Variants in PTPRZ1 observed in about 807,000 individuals in gnomAD.
PTPRZ1 encodes receptor-type tyrosine-protein phosphatase zeta.
In PTPRZ1, 82 loss-of-function variants were observed where a neutral mutation model predicts 214.1. The ratio of observed to expected loss-of-function variants is 0.38; its 90% CI spans 0.32 to 0.46. PTPRZ1 has a LOEUF of 0.46. PTPRZ1 is among the 20% of genes least tolerant of loss of function. The probability of loss-of-function intolerance (pLI) is 1.00; values close to 1 mark genes in which losing one functional copy is unlikely to be tolerated. For synonymous variants in PTPRZ1, 945 were observed against 987.9 expected, an observed-to-expected ratio of 0.96 and a Z score of 0.81; for missense variants, 2,603 against 2,748.7, an observed-to-expected ratio of 0.95 and a Z score of 1.19.
Position 121,967,971 on chromosome 7 carries a change from TG to T in PTPRZ1, c.149del (p.Gly50GlufsTer24). Reference protein sequence around the residue: ...SYTGALNQKNWGKKYPTCNSP... With the variant: ...SYTGALNQKNXGKKYPTCNSP... ...CCTAGGAGCACTGAATCAAAAAAAT[TG>T]GGGAAAGAAATATCCAACATGTAAT... is the stretch of plus-strand genomic sequence containing the variant. On this transcript the variant is annotated frameshift_variant, in exon 3 of 30. Transcript: ENST00000393386. LOFTEE classifies it high-confidence loss of function. 1 of 1,581,482 alleles carries T rather than the reference TG, an allele frequency of 6.3e-7. No homozygotes were observed. The highest frequency in any genetic ancestry group is 1.7e-5 in the Admixed American group (1 of 57,270).
At chr7:121,951,482 A>G (rs917090728) in intron 2 of PTPRZ1, among the ~76,000 whole-genome samples, 2 of 152,204 alleles carry the variant, frequency 1.3e-5, no homozygotes, top group Admixed American at 1.3e-4. Context: ...AAATGTGAAA[A>G]CATAGGCATT....
At chr7:121,907,653 G>A (rs1186950545) in intron 1 of PTPRZ1, among the ~76,000 whole-genome samples, 4 of 151,758 alleles carry the variant, frequency 2.6e-5, no homozygotes, top group Non-Finnish European at 4.4e-5. Context: ...CTTTGGAAAG[G>A]CCTAAACTCA....
chr7:121,930,359 A>C (rs1464798725), intron 2 of PTPRZ1, among the ~76,000 whole-genome samples: 1 of 152,206 alleles, frequency 6.6e-6, no homozygotes, highest in Non-Finnish European at 1.5e-5. Flanking sequence ...ATTTTGAATT[A>C]AATGGAATTT....
In PTPRZ1 at chr7:121,882,119, A is replaced by G. The variant is rs553337270; in HGVS notation, c.58+8562A>G. 1.4e-4 allele frequency among the ~76,000 whole-genome samples: 22 copies of G among 152,350 alleles called. No individual in the cohort carries two copies. In the South Asian group the frequency reaches 4.6e-3, roughly 32 times the overall value. On this transcript the variant is annotated intron_variant, in intron 1 of 29. Coordinates refer to ENST00000393386, the MANE Select transcript of PTPRZ1 (RefSeq NM_002851.3). ...CAATGAACTTTTCTAGGTGTTTCAA[A>G]TAACTCCTTTAATATACTTATTAGT...
At chr7:121,902,863 G>A (rs1795007686) in intron 1 of PTPRZ1, among the ~76,000 whole-genome samples, 1 of 151,968 alleles carries the variant, frequency 6.6e-6, no homozygotes, top group Non-Finnish European at 1.5e-5. Context: ...TGCCTACAAT[G>A]AAGCAAAACC....
intron 1 of PTPRZ1, among the ~76,000 whole-genome samples, chr7:121,920,882 A>G (rs1795577629): frequency 6.6e-6 from 1 of 152,164 alleles, no homozygotes. Flanking sequence ...AATTGAGAAT[A>G]TGTCAGTGAT....
intron 23 of PTPRZ1, among the ~76,000 whole-genome samples, chr7:122,049,367 G>A (rs1012035426): frequency 1.3e-5 from 2 of 151,946 alleles, no homozygotes; most frequent in African/African-American, 4.8e-5. Flanking sequence ...AGGTAGAAAA[G>A]GATTTGCAGA....
At chr7:122,014,042 G>A (rs985087091) in intron 12 of PTPRZ1, among the ~76,000 whole-genome samples, 153 bp downstream of exon 12, 1 of 152,096 alleles carries the variant, frequency 6.6e-6, no homozygotes, top group African/African-American at 2.4e-5. Flanking sequence ...AGTTTCTGAA[G>A]TATAATTTTA....
Position 122,012,225 on chromosome 7 carries a change from A to T in PTPRZ1, c.3179A>T (p.Asn1060Ile), listed in dbSNP as rs529791225. ...ACTGAACTGCAAATTCCTTCTTTCA[A>T]TGAGATGGTTTACCCTTCTGAAAGC... ...NETELQIPSFNEMVYPSESTV... is the reference protein window; with the variant it reads ...NETELQIPSFIEMVYPSESTV... Residue 1060 changes from asparagine to isoleucine, a missense_variant, in exon 12 of 30, where the codon AAT (asparagine) becomes ATT (isoleucine). Around this residue, in one of 6 missense-constraint regions of PTPRZ1, gnomAD observed 1,913 missense variants for 1,914.3 expected, o/e 1.00. Transcript: ENST00000393386. 1 of 1,613,972 alleles carries T rather than the reference A, an allele frequency of 6.2e-7. No homozygotes were observed. The highest frequency in any genetic ancestry group is 1.3e-5 in the African/African-American group (1 of 75,050).
Position 122,012,895 on chromosome 7 carries a change from A to G in PTPRZ1, c.3849A>G (p.Val1283=). Residue 1283 remains valine (V), a synonymous_variant, in exon 12 of 30, where the codon GTA becomes GTG. Transcript: ENST00000393386. ...LLKSESSHQV[V]PSLYSNDELF... ...AAAGTGAAAGTTCCCACCAAGTGGT[A>G]CCTTCTTTGTACAGTAATGATGAGT... 1 of 1,614,166 alleles carries G rather than the reference A, an allele frequency of 6.2e-7. No homozygotes were observed. Among genetic ancestry groups the G allele is most frequent in the Non-Finnish European group, 8.5e-7 (1 of 1,180,012 alleles).
intron 8 of PTPRZ1, among the ~76,000 whole-genome samples, chr7:121,994,318 G>A (rs1386588994): frequency 3.5e-4 from 28 of 79,660 alleles, no homozygotes; most frequent in African/African-American, 1.3e-3. Context: ...TTTTTGAGAC[G>A]GAGTCTTGCT....
intron 2 of PTPRZ1, among the ~76,000 whole-genome samples, chr7:121,941,281 G>C (rs1245731857): frequency 6.6e-6 from 1 of 152,200 alleles, no homozygotes; most frequent in African/African-American, 2.4e-5. Flanking sequence ...ACTTGGACCT[G>C]GGTTTTGACT....
intron 12 of PTPRZ1, among the ~76,000 whole-genome samples, 170 bp from the exon 13 acceptor site, chr7:122,018,954 T>C (rs1321152613): frequency 6.6e-6 from 1 of 152,228 alleles, no homozygotes; most frequent in African/African-American, 2.4e-5. Context: ...CCTTACATTT[T>C]AAACTTTGTT....
At chr7:121,910,167 G>A (rs999656894) in intron 1 of PTPRZ1, among the ~76,000 whole-genome samples, 7 of 151,992 alleles carry the variant, frequency 4.6e-5, no homozygotes, top group Non-Finnish European at 7.4e-5. Context: ...GGAACTCTGC[G>A]CCTGTGCCAG....
chr7:121,925,614 A>G (rs1388463087), intron 1 of PTPRZ1, among the ~76,000 whole-genome samples: 1 of 152,208 alleles, frequency 6.6e-6, no homozygotes, highest in East Asian at 1.9e-4. Flanking sequence ...CTCAACACAC[A>G]TGAAGCAAAC....
chr7:121,903,667 T>G (rs1795034087), intron 1 of PTPRZ1, among the ~76,000 whole-genome samples: 2 of 152,176 alleles, frequency 1.3e-5, no homozygotes, highest in Non-Finnish European at 2.9e-5. Context: ...TTCGGCTCAC[T>G]TTGGTTTTTA....
chr7:122,056,191 C>T (rs928839418), intron 27 of PTPRZ1, among the ~76,000 whole-genome samples: 1 of 151,742 alleles, frequency 6.6e-6, no homozygotes, highest in South Asian at 2.1e-4. Context: ...GTAAGAAAGC[C>T]TATTACAAGA....
At chr7:122,014,269 T>C (rs1035690820) in intron 12 of PTPRZ1, among the ~76,000 whole-genome samples, 1 of 152,038 alleles carries the variant, frequency 6.6e-6, no homozygotes, top group Non-Finnish European at 1.5e-5. Context: ...TTCATACTTT[T>C]GTTCTAAAAT....
intron 1 of PTPRZ1, among the ~76,000 whole-genome samples, chr7:121,893,266 C>T (rs62475701): frequency 1.2e-4 from 18 of 152,146 alleles, no homozygotes; most frequent in Non-Finnish European, 2.6e-4. Context: ...CCCCAAATGG[C>T]TGTGTGGTTC....
Sources: gnomAD v4.1 joint callset for allele counts (sites outside exome capture counted in the v4.1 genomes callset) on GRCh38, gnomAD v4.1.1 for gene constraint, gnomAD v4.1.1 regional missense constraint, MANE v1.5 for transcripts, NCBI Gene and HGNC (gene_info 2026-07-23, HGNC 2026-07-21) for gene names.